LPP: variants seen among roughly 807,000 people sequenced by gnomAD.
LPP encodes LIM domain containing preferred translocation partner in lipoma.
Under a neutral mutation model 60.4 loss-of-function variants are expected in LPP, and 38 were observed. The ratio of observed to expected loss-of-function variants is 0.63; its 90% confidence interval spans 0.49 to 0.83. The LOEUF (loss-of-function observed/expected upper bound fraction) is 0.83. LPP is among the 40% of genes least tolerant of loss of function. The pLI, the probability that LPP is intolerant of heterozygous loss-of-function variation, is 0.00. For missense variants in LPP, 902 were observed against 783.6 expected, an observed-to-expected ratio of 1.15 and a Z score of -1.80; for synonymous variants, 328 against 290.8, an observed-to-expected ratio of 1.13 and a Z score of -1.30.
chr3:188,505,700 T>TCTATCAC (rs1202236724), intron 5 of LPP, among the ~76,000 whole-genome samples: 8 of 152,196 alleles, frequency 5.3e-5, no homozygotes, highest in African/African-American at 1.9e-4. Context: ...TCTTTGTATA[T>TCTATCAC]CTATCACCAA....
At chr3:188,537,165 C>T (rs982991936) in intron 6 of LPP, among the ~76,000 whole-genome samples, 3 of 152,160 alleles carry the variant, frequency 2.0e-5, no homozygotes, top group East Asian at 1.9e-4. Context: ...TCTACAGTCA[C>T]TTGTGAATGA....
At chr3:188,519,197 C>G (rs751703066) in intron 5 of LPP, among the ~76,000 whole-genome samples, 19 of 152,100 alleles carry the variant, frequency 1.2e-4, no homozygotes, top group Non-Finnish European at 2.6e-4. Flanking sequence ...CTGGTACACA[C>G]TACCTTAATC....
intron 6 of LPP, among the ~76,000 whole-genome samples, chr3:188,554,394 C>T (rs1828973088): frequency 6.6e-6 from 1 of 152,106 alleles, no homozygotes; most frequent in Non-Finnish European, 1.5e-5. Flanking sequence ...AAACAAACCC[C>T]AAAAGAATAT....
At chr3:188,292,627 A>G (rs1746390093) in intron 2 of LPP, among the ~76,000 whole-genome samples, 1 of 152,228 alleles carries the variant, frequency 6.6e-6, no homozygotes, top group African/African-American at 2.4e-5. Context: ...ATGGTACCCA[A>G]TAAGCCTAGT....
chr3:188,753,818 A>G (rs1332130209), intron 8 of LPP, among the ~76,000 whole-genome samples: 2 of 151,958 alleles, frequency 1.3e-5, no homozygotes, highest in Non-Finnish European at 2.9e-5. Flanking sequence ...GAAAAACAAG[A>G]GAGAGGGAAA....
At chr3:188,548,822 A>C (rs576788327) in intron 6 of LPP, among the ~76,000 whole-genome samples, 4 of 152,170 alleles carry the variant, frequency 2.6e-5, no homozygotes, top group Non-Finnish European at 4.4e-5. Context: ...CCTTTATAAA[A>C]TGCTGCATGT....
intron 6 of LPP, chr3:188,553,717 G>A (rs1014631087): frequency 7.2e-5 from 11 of 152,176 alleles, no homozygotes; most frequent in African/African-American, 2.7e-4. Flanking sequence ...CAGAGAAATT[G>A]AGATTTATTA....
intron 6 of LPP, among the ~76,000 whole-genome samples, chr3:188,592,557 G>GTTTTTTTGTTTTTTTTTTTTTTTTTTTTT (rs1553936333): frequency 3.1e-4 from 27 of 85,788 alleles, no homozygotes; most frequent in African/African-American, 1.2e-3. Context: ...TTTTGTTTTT[G>GTTTTTTTGTTTTTTTTTTTTTTTTTTTTT]TTTTTTAAAT....
intron 2 of LPP, among the ~76,000 whole-genome samples, chr3:188,334,254 T>G (rs1469631388): frequency 6.6e-6 from 1 of 152,190 alleles, no homozygotes; most frequent in Non-Finnish European, 1.5e-5. Flanking sequence ...ACACATTTTC[T>G]TTGCCTGTTT....
intron 5 of LPP, among the ~76,000 whole-genome samples, chr3:188,520,396 T>G (rs1178391701): frequency 6.6e-6 from 1 of 152,196 alleles, no homozygotes; most frequent in Non-Finnish European, 1.5e-5. Flanking sequence ...TCACTTTCTG[T>G]GCCGGGCCTT....
chr3:188,679,529 G>C (rs1311650181), intron 7 of LPP, among the ~76,000 whole-genome samples: 4 of 107,046 alleles, frequency 3.7e-5, no homozygotes, highest in African/African-American at 7.4e-5. Flanking sequence ...CTGTGTGTGT[G>C]TGTGTGTGTG....
chr3:188,723,742 T>G lies in LPP; in HGVS notation c.1240+15349T>G, dbSNP rs574874129. Among the ~76,000 whole-genome samples, 16 of 152,274 alleles carry G rather than the reference T, an allele frequency of 1.1e-4. No homozygotes were observed. In the East Asian group the frequency reaches 2.9e-3, roughly 28 times the overall value. On this transcript the variant is annotated intron_variant, in intron 8 of 11. Coordinates refer to ENST00000617246, the MANE Select transcript of LPP (RefSeq NM_001375462.1). ...AGATTTTACACAAATAAAGAGGCAC[T>G]ATAGCATATCCCAGGAAAAAAACTC... is the stretch of plus-strand genomic sequence containing the variant.
intron 2 of LPP, among the ~76,000 whole-genome samples, chr3:188,234,308 G>GGAAT (rs1168006965): frequency 7.2e-5 from 11 of 152,148 alleles, no homozygotes; most frequent in Non-Finnish European, 1.5e-4. Context: ...TCTCAGCTGA[G>GGAAT]GAATGAGTGG....
chr3:188,240,192 T>A (rs1723533468), intron 2 of LPP: 2 of 181,276 alleles, frequency 1.1e-5, no homozygotes, highest in South Asian at 2.0e-4. Context: ...GATATCTGTG[T>A]GTTTCATTTT....
intron 5 of LPP, among the ~76,000 whole-genome samples, chr3:188,493,538 C>G (rs578204632): frequency 6.6e-6 from 1 of 152,110 alleles, no homozygotes; most frequent in South Asian, 2.1e-4. Flanking sequence ...AGGTGATCCT[C>G]CTGCCTCAAC....
chr3:188,522,734 CAGA>C (rs1428640555), intron 5 of LPP, among the ~76,000 whole-genome samples: 1 of 145,622 alleles, frequency 6.9e-6, no homozygotes, highest in East Asian at 2.1e-4. Flanking sequence ...ATAATACATC[CAGA>C]AGGAGAAAAT....
chr3:188,607,411 ATATATAAT>A (rs1842710414), intron 6 of LPP, among the ~76,000 whole-genome samples: 2 of 28,412 alleles, frequency 7.0e-5, no homozygotes, highest in African/African-American at 1.6e-4. Context: ...ATATATATAT[ATATATAAT>A]TTTTTTTTCC....
intron 3 of LPP, among the ~76,000 whole-genome samples, chr3:188,390,826 G>A (rs1779520688): frequency 6.6e-6 from 1 of 152,090 alleles, no homozygotes; most frequent in Admixed American, 6.6e-5. Flanking sequence ...TGTCAGACAT[G>A]GAGGCAGAAA....
chr3:188,349,704 G>A (rs984256856), intron 3 of LPP, among the ~76,000 whole-genome samples: 2 of 152,156 alleles, frequency 1.3e-5, no homozygotes, highest in Admixed American at 6.5e-5. Context: ...TGGATGGCAC[G>A]TATGGAGACT....
Sources: allele counts gnomAD v4.1 joint callset (sites outside exome capture counted in the v4.1 genomes callset), GRCh38; gene constraint gnomAD v4.1.1; transcripts MANE v1.5; gene names NCBI Gene and HGNC (gene_info 2026-07-23, HGNC 2026-07-21).